The following CPS1 variants were observed in gnomAD, a reference collection of about 807,000 sequenced individuals.
CPS1 encodes the protein carbamoyl-phosphate synthase [ammonia], mitochondrial.
A neutral mutation model predicts 174.6 loss-of-function variants in CPS1; 109 were observed. The ratio of observed to expected loss-of-function variants is 0.62; its 90% confidence interval spans 0.53 to 0.73. The LOEUF (loss-of-function observed/expected upper bound fraction) is 0.73. CPS1 is among the 30% of genes least tolerant of loss of function. CPS1 has a pLI of 0.00. For synonymous variants in CPS1, 637 were observed against 632.0 expected, an observed-to-expected ratio of 1.01 and a Z score of -0.12; for missense variants, 1,689 against 1,821.9, an observed-to-expected ratio of 0.93 and a Z score of 1.33.
chr2:210,587,103 G>GA (rs914015185), intron 6 of CPS1, among the ~76,000 whole-genome samples: 9 of 151,218 alleles, frequency 6.0e-5, no homozygotes, highest in African/African-American at 1.5e-4. Flanking sequence ...GTCAGTGGGA[G>GA]AAAAAAAACC....
At chr2:210,520,974 T>C (rs1408465738) in intron 1 of CPS1, among the ~76,000 whole-genome samples, 1 of 152,060 alleles carries the variant, frequency 6.6e-6, no homozygotes, top group Non-Finnish European at 1.5e-5. Flanking sequence ...GGGGATCCAA[T>C]AGTGGATCAT....
chr2:210,519,660 T>G, intron 1 of CPS1: 1 of 709,490 alleles, frequency 1.4e-6, no homozygotes, highest in Non-Finnish European at 1.7e-6. Flanking sequence ...CTCGCTTGCA[T>G]CTAGACACAG....
At chr2:210,604,217 TA>T (rs368296895) in intron 16 of CPS1, among the ~76,000 whole-genome samples, 1,860 of 151,902 alleles carry the variant, frequency 0.012, 30 homozygotes, top group African/African-American at 0.039. Context: ...GACTGAAGTT[TA>T]AAAAAATCCT....
chr2:210,477,857 T>G lies in CPS1; in HGVS notation c.3+91T>G, dbSNP rs1241665123. 7 of 1,404,760 alleles carry G rather than the reference T, an allele frequency of 5.0e-6. No homozygotes were observed. The Admixed American group carries it at 7.6e-5, about 15-fold the overall frequency. The allele number at this position is 1,404,760 out of a possible 1,614,324, so 87.0% of individuals were successfully genotyped here. A position where few individuals can be genotyped will look rare whatever the true frequency, so the allele number is the denominator to read the frequency against. ...AGAGAAAAGGAAAACGAGAGACATT[T>G]TATCAATTATTTTTTCTTTAATGAT... On this transcript the variant is annotated intron_variant, in intron 1 of 38. Transcript: ENST00000430249.
rs552567092 is a variant in CPS1 at position 210,589,890 on chromosome 2, T to C, written c.712-216T>C. Among the ~76,000 whole-genome samples, 12 of 151,996 alleles carry C rather than the reference T, an allele frequency of 7.9e-5. No individual in the cohort carries two copies. The South Asian group carries it at 2.3e-3, about 29-fold the overall frequency. On this transcript the variant is annotated intron_variant, in intron 7 of 37. Coordinates refer to ENST00000233072, the MANE Select transcript of CPS1 (RefSeq NM_001875.5). ...GTCTTGACTTCCTGGGCTCAAGCAA[T>C]TCCCCCCTATCTTGAGCTTCCCTAT...
rs575366513 is a variant in CPS1 at position 210,520,232 on chromosome 2, C to T, written c.4-36487C>T. 3.3e-5 allele frequency among the ~76,000 whole-genome samples: 5 copies of T among 152,032 alleles called. No individual in the cohort carries two copies. In the South Asian group the frequency reaches 1.0e-3, roughly 32 times the overall value. ...AAGTATTTAATTTTATGCACTTTTG[C>T]ATATGTATACATCTGTGAAACTATT... On this transcript the variant is annotated intron_variant, in intron 1 of 38. Transcript: ENST00000430249.
Position 210,588,147 on chromosome 2 carries a change from G to A in CPS1, c.711G>A (p.Lys237=), listed in dbSNP as rs1000750975. The A allele has an allele frequency of 1.9e-6, 3 of 1,611,822 alleles. No homozygotes were observed. Among genetic ancestry groups the A allele is most frequent in the Non-Finnish European group, 2.5e-6 (3 of 1,178,458 alleles). The change falls in exon 7 of 38, where the codon AAG becomes AAA. Residue 237 remains lysine (K), a splice_region_variant and synonymous_variant. Transcript: ENST00000233072. ...IKNNVIRLLV[K]RGAEVHLVPW... ...ACAATGTAATCCGCCTGCTAGTAAA[G>A]GTAAGTAATTTGTTCATTTCAAAGG...
chr2:210,516,584 T>C (rs925166279), intron 1 of CPS1, among the ~76,000 whole-genome samples: 1 of 151,920 alleles, frequency 6.6e-6, no homozygotes, highest in Non-Finnish European at 1.5e-5. Context: ...TTTAAACTCC[T>C]TCAGTAGTTC....
rs369467015 is a variant in CPS1 at position 210,616,558 on chromosome 2, C to G, written c.2687+17C>G. The stretch of plus-strand genomic sequence containing the variant: ...CCTCAACAGGTAAGGCAGTGCTGCT[C>G]TCATTCATGCCAGACACCTTCAGTG... On this transcript the variant is annotated intron_variant, in intron 21 of 37. Coordinates refer to ENST00000233072, the MANE Select transcript of CPS1 (RefSeq NM_001875.5). The G allele has an allele frequency of 2.8e-6, 4 of 1,426,622 alleles. No individual in the cohort carries two copies. In the African/African-American group the frequency reaches 4.3e-5, roughly 15 times the overall value. 88.4% of individuals were successfully genotyped at this position (1,426,622 alleles called of 1,614,324 possible). A position where few individuals can be genotyped will look rare whatever the true frequency, so the allele number is the denominator to read the frequency against.
intron 1 of CPS1, among the ~76,000 whole-genome samples, chr2:210,546,025 G>A (rs1019162230): frequency 6.6e-5 from 10 of 151,934 alleles, no homozygotes; most frequent in African/African-American, 2.4e-4. Context: ...TAGATTTTTA[G>A]TTCTTTTTGT....
At chr2:210,650,726 G>A (rs1700534420) in intron 28 of CPS1, among the ~76,000 whole-genome samples, 1 of 152,146 alleles carries the variant, frequency 6.6e-6, no homozygotes, top group Non-Finnish European at 1.5e-5. Context: ...GACTCCAGGA[G>A]TCTAAAAGGA....
Position 210,608,357 on chromosome 2 carries a change from A to G in CPS1, c.2193-4A>G, listed in dbSNP as rs750884552. On this transcript the variant is annotated splice_polypyrimidine_tract_variant and splice_region_variant and intron_variant, in intron 18 of 37. Coordinates refer to ENST00000233072, the MANE Select transcript of CPS1 (RefSeq NM_001875.5). ...AAAAAAATAAATTTGTCTTCTTTTT[A>G]TAGCTACCCATTGGCATTCATTGCT... 3 of 1,611,472 alleles carry G rather than the reference A, an allele frequency of 1.9e-6. No homozygotes were observed. The highest frequency in any genetic ancestry group is 2.5e-6 in the Non-Finnish European group (3 of 1,178,270).
intron 3 of CPS1, among the ~76,000 whole-genome samples, chr2:210,576,885 A>G (rs1485033299): frequency 1.3e-5 from 2 of 152,180 alleles, no homozygotes; most frequent in Non-Finnish European, 2.9e-5. Flanking sequence ...TGCCAGTCTA[A>G]AAGTAAACAT....
At chr2:210,548,428 A>C (rs1294592720) in intron 1 of CPS1, among the ~76,000 whole-genome samples, 1 of 152,108 alleles carries the variant, frequency 6.6e-6, no homozygotes, top group East Asian at 1.9e-4. Flanking sequence ...ATTAGCAACA[A>C]CATTACATAT....
intron 1 of CPS1, among the ~76,000 whole-genome samples, chr2:210,491,724 G>A (rs760766617): frequency 1.4e-4 from 22 of 152,122 alleles, no homozygotes; most frequent in Non-Finnish European, 2.9e-4. Flanking sequence ...AGAAATGTGG[G>A]ATCACCTTGA....
intron 1 of CPS1, among the ~76,000 whole-genome samples, chr2:210,499,664 C>G (rs1489202274): frequency 1.3e-5 from 2 of 152,294 alleles, no homozygotes; most frequent in African/African-American, 4.8e-5. Context: ...CCTCTCAGCA[C>G]TTCCAAGCCT....
At position 210,506,469 on chromosome 2, in the gene CPS1, A is replaced by G. The variant is rs558523752; in HGVS notation, c.3+28703A>G. On this transcript the variant is annotated intron_variant, in intron 1 of 38. Coordinates refer to the CPS1 transcript ENST00000430249. ...CAGAAAAACTGAAAATTCTAAAATC[A>G]GAGCGCCTCTTCTACTCTACTCCAA... Among the ~76,000 whole-genome samples, 15 of 152,348 alleles carry G rather than the reference A, an allele frequency of 9.8e-5. No individual in the cohort carries two copies. In the South Asian group the frequency reaches 3.1e-3, roughly 32 times the overall value.
chr2:210,625,606 C>T (rs561133184), intron 21 of CPS1, among the ~76,000 whole-genome samples: 1 of 151,990 alleles, frequency 6.6e-6, no homozygotes, highest in East Asian at 1.9e-4. Context: ...TTCTTTCCTT[C>T]AATATATCCC....
At chr2:210,571,007 A>G (rs745972546) in intron 1 of CPS1, among the ~76,000 whole-genome samples, 18 of 152,022 alleles carry the variant, frequency 1.2e-4, no homozygotes, top group Non-Finnish European at 2.5e-4. Context: ...AGCAAATTAA[A>G]ACAAAATTTA....
Sources: gnomAD v4.1 joint callset for allele counts (sites outside exome capture counted in the v4.1 genomes callset) on GRCh38, gnomAD v4.1.1 for gene constraint, MANE v1.5 for transcripts, NCBI Gene and HGNC (gene_info 2026-07-23, HGNC 2026-07-21) for gene names.